The following ATAD2B variants were observed in gnomAD, a reference collection of about 807,000 sequenced individuals.
ATAD2B encodes the protein ATPase family AAA domain-containing protein 2B.
Under a neutral mutation model 167.6 loss-of-function variants are expected in ATAD2B, and 40 were observed. That is an observed-to-expected ratio of 0.24 (90% CI 0.19 to 0.31). The LOEUF (loss-of-function observed/expected upper bound fraction) is 0.31, where lower values mean the gene tolerates loss of function less well. Ranked by LOEUF, ATAD2B falls within the 10% of genes least tolerant of loss-of-function variation. The pLI is 1.00. For missense variants in ATAD2B, 1,242 were observed against 1,757.2 expected (o/e 0.71, Z 5.24); for synonymous variants, 579 against 596.5 (o/e 0.97, Z 0.43).
chr2:23,758,181 C>T, intron 24 of ATAD2B, 80 bp from the exon 25 acceptor site: 2 of 1,177,984 alleles, frequency 1.7e-6, no homozygotes, highest in Non-Finnish European at 2.3e-6. Context: ...AAACAGGACC[C>T]AAAAGAAAGT....
chr2:23,704,696 G>A, the ATAD2B span, among the ~76,000 whole-genome samples: 1 of 152,210 alleles, frequency 6.6e-6, no homozygotes, highest in Non-Finnish European at 1.5e-5. Flanking sequence ...GAACCCGGGA[G>A]GCGGAGGTTG....
chr2:23,803,838 T>G (rs1292680532), intron 18 of ATAD2B, among the ~76,000 whole-genome samples: 1 of 152,190 alleles, frequency 6.6e-6, no homozygotes, highest in Non-Finnish European at 1.5e-5. Flanking sequence ...GATTTAAGAT[T>G]CCCTTTAAGA....
At chr2:23,834,124 C>T in intron 13 of ATAD2B, 46 bp from the exon 14 acceptor site, 2 of 759,758 alleles carry the variant, frequency 2.6e-6, no homozygotes, top group Admixed American at 3.4e-5. Flanking sequence ...GTAAACACTG[C>T]TGCTTACAAT....
chr2:23,724,951 G>A, the ATAD2B span, among the ~76,000 whole-genome samples: 1 of 147,578 alleles, frequency 6.8e-6, no homozygotes, highest in Non-Finnish European at 1.5e-5. Flanking sequence ...GCTGAGGCAG[G>A]AGAATGGCGT....
At chr2:23,773,751 T>C (rs1678692574) in intron 22 of ATAD2B, among the ~76,000 whole-genome samples, 1 of 152,194 alleles carries the variant, frequency 6.6e-6, no homozygotes, top group Non-Finnish European at 1.5e-5. Flanking sequence ...ACCCCATATA[T>C]TGGCTTTGAA....
the ATAD2B span, among the ~76,000 whole-genome samples, chr2:23,710,668 A>G: frequency 3.3e-5 from 5 of 152,204 alleles, no homozygotes; most frequent in African/African-American, 1.2e-4. Flanking sequence ...CCAACCGTGC[A>G]TGGAAAAAAT....
chr2:23,799,978 A>T (rs1572805514), intron 18 of ATAD2B: 4 of 151,962 alleles, frequency 2.6e-5, no homozygotes, highest in African/African-American at 9.7e-5. Context: ...TCCAAGGATT[A>T]TTTTTTTCCA....
At chr2:23,906,350 AG>A (rs1223311801) in intron 1 of ATAD2B, among the ~76,000 whole-genome samples, 1 of 152,152 alleles carries the variant, frequency 6.6e-6, no homozygotes, top group African/African-American at 2.4e-5. Context: ...CAAAAAAAAA[AG>A]AAAGGTCATT....
chr2:23,924,847 A>G (rs1704482372), intron 1 of ATAD2B, among the ~76,000 whole-genome samples: 1 of 152,170 alleles, frequency 6.6e-6, no homozygotes, highest in Non-Finnish European at 1.5e-5. Flanking sequence ...GCCTTTTAAC[A>G]TCTCTATAAC....
At chr2:23,849,834 T>C (rs1692275160) in intron 13 of ATAD2B, among the ~76,000 whole-genome samples, 1 of 150,478 alleles carries the variant, frequency 6.6e-6, no homozygotes, top group African/African-American at 2.4e-5. Flanking sequence ...CTCAAAAAAA[T>C]AAAACCCCAC....
Position 23,751,542 on chromosome 2 carries a change from G to A in ATAD2B, c.*504C>T, listed in dbSNP as rs944998163. The A allele has an allele frequency of 6.5e-6, 1 of 153,380 alleles. No individual in the cohort carries two copies. The highest frequency in any genetic ancestry group is 2.4e-5 in the African/African-American group (1 of 41,388). The allele number at this position is 153,380 out of a possible 1,614,324, so 9.5% of individuals were successfully genotyped here. A position where few individuals can be genotyped will look rare whatever the true frequency, so the allele number is the denominator to read the frequency against. ...ATCCAGTTTCTTCAGCTTCCCACCA[G>A]AACAGACCATAGCCAACTCTAAAAC... On this transcript the variant is annotated 3_prime_UTR_variant, in exon 28 of 28. Coordinates refer to ENST00000238789, the MANE Select transcript of ATAD2B (RefSeq NM_017552.4).
At chr2:23,679,954 G>A in the ATAD2B span, among the ~76,000 whole-genome samples, 22 of 152,206 alleles carry the variant, frequency 1.4e-4, no homozygotes, top group Non-Finnish European at 2.2e-4. Flanking sequence ...AGGAGGCTTC[G>A]CTGGGGAGCA....
At chr2:23,896,979 A>G (rs779837384) in intron 1 of ATAD2B, among the ~76,000 whole-genome samples, 1 of 152,160 alleles carries the variant, frequency 6.6e-6, no homozygotes, top group South Asian at 2.1e-4. Context: ...ATATTTTTTT[A>G]AAAAGCCAGG....
At chr2:23,765,081 T>A (rs1057294506) in intron 23 of ATAD2B, among the ~76,000 whole-genome samples, 1 of 152,186 alleles carries the variant, frequency 6.6e-6, no homozygotes, top group African/African-American at 2.4e-5. Context: ...CAAACCACAA[T>A]TGCTAATTCT....
At chr2:23,770,595 A>G (rs540505852) in intron 22 of ATAD2B, among the ~76,000 whole-genome samples, 1 of 152,298 alleles carries the variant, frequency 6.6e-6, no homozygotes, top group Admixed American at 6.5e-5. Context: ...GTCTATTGAA[A>G]TTTAATCTAC....
At chr2:23,865,802 C>T (rs1036655994) in intron 10 of ATAD2B, 3 of 153,864 alleles carry the variant, frequency 1.9e-5, no homozygotes, top group Admixed American at 6.6e-5. Flanking sequence ...ATTTTAGAAA[C>T]ACTGATCTAT....
At chr2:23,873,089 T>C (rs1696256078) in intron 8 of ATAD2B, 1 of 474,136 alleles carries the variant, frequency 2.1e-6, no homozygotes, top group Non-Finnish European at 3.9e-6. Flanking sequence ...GCAAAAATTA[T>C]CTACTTATTC....
At chr2:23,696,497 G>T in the ATAD2B span, 1 of 1,531,478 alleles carries the variant, frequency 6.5e-7, no homozygotes, top group African/African-American at 1.4e-5. This position sits in a 1 kb window ranked among gnomAD's most constrained non-coding sequence, Gnocchi z 5.5. Flanking sequence ...GGCAGGCAAC[G>T]TGGACCACGT....
At chr2:23,912,708 G>A (rs1249703967) in intron 1 of ATAD2B, among the ~76,000 whole-genome samples, 6 of 151,788 alleles carry the variant, frequency 4.0e-5, no homozygotes, top group African/African-American at 1.5e-4. Context: ...TCTTAATATG[G>A]GGCCGGGCAC....
Sources: gnomAD v4.1 joint callset for allele counts (sites outside exome capture counted in the v4.1 genomes callset) on GRCh38, gnomAD v4.1.1 for gene constraint, Gnocchi (gnomAD v3.1) non-coding constraint, MANE v1.5 for transcripts, NCBI Gene and HGNC (gene_info 2026-07-23, HGNC 2026-07-21) for gene names.